RAB1A: variants seen among roughly 807,000 people sequenced by gnomAD.
The protein encoded by RAB1A is ras-related protein Rab-1A.
A neutral mutation model predicts 26.0 loss-of-function variants in RAB1A; 2 were observed. That is an observed-to-expected ratio of 0.08 (90% CI 0.03 to 0.24). RAB1A has a LOEUF of 0.24. RAB1A is among the 10% of genes least tolerant of loss of function. The pLI is 1.00. For synonymous variants in RAB1A, 84 were observed against 84.9 expected (o/e 0.99, Z 0.06); for missense variants, 100 against 247.0 (o/e 0.40, Z 3.99).
rs962577299 is a variant in RAB1A, at chr2:65,087,216, A to G, written c.*1277T>C. 1.1e-4 allele frequency: 17 copies of G among 152,372 alleles called. No homozygotes were observed. Among genetic ancestry groups the G allele is most frequent in the Non-Finnish European group, 2.4e-4 (16 of 67,998 alleles). 9.4% of individuals were successfully genotyped at this position (152,372 alleles called of 1,614,324 possible). A position where few individuals can be genotyped will look rare whatever the true frequency, so the allele number is the denominator to read the frequency against. On this transcript the variant is annotated 3_prime_UTR_variant, in exon 6 of 6. Coordinates refer to ENST00000409784, the MANE Select transcript of RAB1A (RefSeq NM_004161.5). ...TCCTCACAATTAAAAACCAAACAAA[A>G]CCCCCTAGGATCTTGAAGGTCCTAT...
chr2:65,087,660 G>A lies in RAB1A; in HGVS notation c.*833C>T, dbSNP rs2103816247. On this transcript the variant is annotated 3_prime_UTR_variant, in exon 6 of 6. Coordinates refer to ENST00000409784, the MANE Select transcript of RAB1A (RefSeq NM_004161.5). ...TATAGTTTGAGCTCCCTGAACCACTGAAGTTGGTTAAATCCCTACACAGCA... is the reference window on the plus strand; with the variant it reads ...TATAGTTTGAGCTCCCTGAACCACTAAAGTTGGTTAAATCCCTACACAGCA... 6.5e-6 allele frequency: 1 copy of A among 152,702 alleles called. No individual in the cohort carries two copies. The highest frequency in any genetic ancestry group is 2.1e-4 in the South Asian group (1 of 4,830). 9.5% of individuals were successfully genotyped at this position (152,702 alleles called of 1,614,324 possible).
At chr2:65,120,257 A>T (rs1262001519) in intron 1 of RAB1A, among the ~76,000 whole-genome samples, 2 of 151,994 alleles carry the variant, frequency 1.3e-5, no homozygotes, top group African/African-American at 2.4e-5. Context: ...GGAGTTTGAG[A>T]CCAGCCTGGC....
intron 2 of RAB1A, 64 bp from the exon 3 acceptor site, chr2:65,098,130 G>GGAA: frequency 4.1e-6 from 3 of 731,020 alleles, no homozygotes; most frequent in South Asian, 2.7e-5. Flanking sequence ...AGTCTAAGTG[G>GGAA]AAAAAAAAAA....
intron 3 of RAB1A, among the ~76,000 whole-genome samples, chr2:65,093,277 T>C (rs768247852): frequency 1.3e-5 from 2 of 152,176 alleles, no homozygotes; most frequent in African/African-American, 2.4e-5. Flanking sequence ...GTCTCTCCCA[T>C]TGTCTGCCTC....
At chr2:65,123,825 G>GA (rs1389625563) in intron 1 of RAB1A, among the ~76,000 whole-genome samples, 5 of 144,922 alleles carry the variant, frequency 3.5e-5, no homozygotes, top group East Asian at 2.1e-4. Context: ...GTCTCAAAAA[G>GA]AAAAAAAAAG....
chr2:65,089,205 T>C, intron 4 of RAB1A, 135 bp from the exon 5 acceptor site: 1 of 857,850 alleles, frequency 1.2e-6, no homozygotes, highest in Non-Finnish European at 1.7e-6. Flanking sequence ...TAACCACTGC[T>C]AAGGAGTGAA....
rs375731745 is a variant in RAB1A at position 65,088,664 on chromosome 2, C to T, written c.447G>A (p.Pro149=). 21 of 1,609,486 alleles carry T rather than the reference C, an allele frequency of 1.3e-5. No homozygotes were observed. The highest frequency in any genetic ancestry group is 8.9e-5 in the East Asian group (4 of 44,848). Residue 149 remains proline, a synonymous_variant, in exon 6 of 6, where the codon CCG becomes CCA. Transcript: ENST00000409784. The part of the protein sequence containing the change: ...AKEFADSLGI[P]FLETSAKNAT... The stretch of plus-strand genomic sequence containing the variant: ...CATTCTTAGCACTGGTTTCCAAAAA[C>T]GGAATTCCAAGGGAATCAGCAAATT...
chr2:65,118,051 T>G (rs1454936554), intron 1 of RAB1A, among the ~76,000 whole-genome samples: 1 of 152,228 alleles, frequency 6.6e-6, no homozygotes, highest in Non-Finnish European at 1.5e-5. Flanking sequence ...CTAGGGCATT[T>G]TCTTCATGGG....
intron 3 of RAB1A, among the ~76,000 whole-genome samples, chr2:65,095,077 C>T (rs893637664): frequency 7.2e-5 from 11 of 151,990 alleles, no homozygotes; most frequent in East Asian, 1.9e-4. Context: ...GTGAGCTGAC[C>T]GCTGCACTCT....
chr2:65,092,199 G>A (rs938417338), intron 3 of RAB1A, among the ~76,000 whole-genome samples: 5 of 152,040 alleles, frequency 3.3e-5, no homozygotes, highest in East Asian at 1.9e-4. Flanking sequence ...GAGCCCAGGA[G>A]GCAGAGGTTG....
At chr2:65,095,516 CTTTT>C (rs35819441) in intron 3 of RAB1A, among the ~76,000 whole-genome samples, 3 of 125,958 alleles carry the variant, frequency 2.4e-5, no homozygotes, top group South Asian at 5.1e-4. Context: ...CACCTGGTTA[CTTTT>C]TTTTTTTTTT....
intron 3 of RAB1A, among the ~76,000 whole-genome samples, chr2:65,097,472 A>T (rs1361096350): frequency 3.9e-5 from 6 of 152,230 alleles, no homozygotes; most frequent in Non-Finnish European, 5.9e-5. Context: ...AACATGTTAC[A>T]AAAACTAAGT....
intron 1 of RAB1A, among the ~76,000 whole-genome samples, chr2:65,117,893 T>C (rs769372710): frequency 3.9e-5 from 6 of 152,158 alleles, no homozygotes; most frequent in South Asian, 2.1e-4. Flanking sequence ...TTCTTAGAAG[T>C]AAGCACATGT....
At chr2:65,098,730 T>C (rs776781811) in intron 2 of RAB1A, among the ~76,000 whole-genome samples, 5 of 152,130 alleles carry the variant, frequency 3.3e-5, no homozygotes, top group Non-Finnish European at 5.9e-5. Flanking sequence ...ATTTTGGACA[T>C]TTCGTATAAA....
chr2:65,113,951 T>C lies in RAB1A; in HGVS notation c.24-9145A>G, dbSNP rs12617149. Among the ~76,000 whole-genome samples, 3,384 of 152,280 alleles carry C rather than the reference T, an allele frequency of 0.022. 208 individuals carry two copies. The East Asian group carries it at 0.23, about 10-fold the overall frequency. ...CTTTTATAACCAGAAATAAAAAATG[T>C]TATTTGAAAGGAGGAGAAAAGCGTT... is the stretch of plus-strand genomic sequence containing the variant. On this transcript the variant is annotated intron_variant, in intron 1 of 5. Coordinates refer to ENST00000409784, the MANE Select transcript of RAB1A (RefSeq NM_004161.5).
At chr2:65,106,942 G>A (rs1348203266) in intron 1 of RAB1A, among the ~76,000 whole-genome samples, 2 of 151,940 alleles carry the variant, frequency 1.3e-5, no homozygotes, top group Non-Finnish European at 2.9e-5. Context: ...TAGTAGAGAC[G>A]GGATTTAGCC....
At chr2:65,119,484 G>A (rs1341246065) in intron 1 of RAB1A, among the ~76,000 whole-genome samples, 2 of 151,070 alleles carry the variant, frequency 1.3e-5, no homozygotes, top group Non-Finnish European at 2.9e-5. Flanking sequence ...TCCAGCCTGG[G>A]TGGGAGGCAG....
At chr2:65,090,928 T>A in intron 4 of RAB1A, 55 bp downstream of exon 4, 2 of 1,241,124 alleles carry the variant, frequency 1.6e-6, no homozygotes, top group Non-Finnish European at 2.3e-6. Flanking sequence ...CTGACATTAA[T>A]CAAATAATGG....
In RAB1A at chr2:65,103,304, A is replaced by AAAACAAAAAAAAAAAAC. The variant is rs1553392770; in HGVS notation, c.96+1429_96+1430insGTTTTTTTTTTTTGTTT. The stretch of plus-strand genomic sequence containing the variant: ...AACACAGCCAGAATCTGTCTCAAAA[A>AAAACAAAAAAAAAAAAC]AAAAAAAAAACATTGTTTTATGTGA... On this transcript the variant is annotated intron_variant, in intron 2 of 5. Coordinates refer to ENST00000409784, the MANE Select transcript of RAB1A (RefSeq NM_004161.5). Among the ~76,000 whole-genome samples, 5 of 112,502 alleles carry AAAACAAAAAAAAAAAAC rather than the reference A, an allele frequency of 4.4e-5. 1 individual carries two copies. The highest frequency in any genetic ancestry group is 1.0e-4 in the Admixed American group (1 of 9,812). 73.8% of individuals were successfully genotyped at this position (112,502 alleles called of 152,430 possible).
Sources: gnomAD v4.1 joint callset for allele counts (sites outside exome capture counted in the v4.1 genomes callset) on GRCh38, gnomAD v4.1.1 for gene constraint, MANE v1.5 for transcripts, NCBI Gene and HGNC (gene_info 2026-07-23, HGNC 2026-07-21) for gene names.